Variants in CORO7 observed in about 807,000 individuals in gnomAD.
The protein encoded by CORO7 is coronin 7.
Under a neutral mutation model 126.6 loss-of-function variants are expected in CORO7, and 107 were observed. That is an observed-to-expected ratio of 0.85 (90% CI 0.72 to 0.99). The LOEUF is 0.99. Ranked by LOEUF, CORO7 falls within the 50% of genes least tolerant of loss-of-function variation. The pLI, the probability that CORO7 is intolerant of heterozygous loss-of-function variation, is 0.00. For missense variants in CORO7, 1,314 were observed against 1,255.8 expected (o/e 1.05, Z -0.70); for synonymous variants, 603 against 536.8 (o/e 1.12, Z -1.70).
chr16:4,400,897 A>C (rs1252925297), intron 6 of CORO7, among the ~76,000 whole-genome samples: 1 of 152,058 alleles, frequency 6.6e-6, no homozygotes, highest in African/African-American at 2.4e-5. Flanking sequence ...CATCACAGAC[A>C]CTGGGGGAGG....
intron 23 of CORO7, 120 bp downstream of exon 23, chr16:4,359,176 C>G (rs2054076780): frequency 8.7e-7 from 1 of 1,149,950 alleles, no homozygotes; most frequent in African/African-American, 1.6e-5. Flanking sequence ...AGCCCCAGGC[C>G]CAGCCCCAGC....
At chr16:4,410,084 G>C (rs747148269) in intron 3 of CORO7, among the ~76,000 whole-genome samples, 1 of 152,144 alleles carries the variant, frequency 6.6e-6, no homozygotes, top group Non-Finnish European at 1.5e-5. Context: ...CACCTTGCAA[G>C]CATCACCAAC....
At chr16:4,391,090 C>T (rs2055370356) in intron 7 of CORO7, among the ~76,000 whole-genome samples, 1 of 152,190 alleles carries the variant, frequency 6.6e-6, no homozygotes, top group South Asian at 2.1e-4. Flanking sequence ...CCACCCCTTA[C>T]CCTGTAACTC....
chr16:4,396,767 G>A (rs565396617), intron 6 of CORO7, among the ~76,000 whole-genome samples: 2 of 152,212 alleles, frequency 1.3e-5, no homozygotes, highest in African/African-American at 4.8e-5. Flanking sequence ...TGTAATCCCA[G>A]CACTTTGCGA....
At chr16:4,372,268 C>T (rs1456243980) in intron 9 of CORO7, among the ~76,000 whole-genome samples, 1 of 152,196 alleles carries the variant, frequency 6.6e-6, no homozygotes, top group Non-Finnish European at 1.5e-5. Context: ...ATAAACACCC[C>T]GTCCCATGCT....
In CORO7 at chr16:4,361,205, C is replaced by T. The variant is rs199527019; in HGVS notation, c.1731G>A (p.Glu577=). 1.9e-6 allele frequency: 3 copies of T among 1,611,856 alleles called. No homozygotes were observed. The highest frequency in any genetic ancestry group is 2.7e-5 in the African/African-American group (2 of 74,924). ...GCGTGGTGAGCACCTCTTCCAGGCC[C>T]TCTGCGGGTACCCGCCACAGTCGGA... is the stretch of plus-strand genomic sequence containing the variant. ...ARIRLWRVPA[E]GLEEVLTTPE... The change falls in exon 18 of 28, where the codon GAG becomes GAA. Residue 577 remains glutamate, a synonymous_variant. Transcript: ENST00000251166.
chr16:4,411,771 C>T (rs920437518), intron 3 of CORO7, among the ~76,000 whole-genome samples: 22 of 152,144 alleles, frequency 1.4e-4, no homozygotes, highest in African/African-American at 5.1e-4. Flanking sequence ...AGACTGGGCC[C>T]GCGGCCGCTG....
chr16:4,364,628 G>A lies in CORO7; in HGVS notation c.1106C>T (p.Pro369Leu), dbSNP rs1405428893. Residue 369 changes from proline (P) to leucine (L), a missense_variant, in exon 13 of 28, where the codon CCC becomes CTC. Coordinates refer to ENST00000251166, the MANE Select transcript of CORO7 (RefSeq NM_024535.5). ...DTAGCVPATD[P>L]HSWWAGDNQQ... ...GTTGTCCCCAGCCCACCAGCTATGG[G>A]GGTCGGTGGCAGGCACACAGCCGGC... is the stretch of plus-strand genomic sequence containing the variant. The A allele has an allele frequency of 6.4e-7, 1 of 1,572,186 alleles. No homozygotes were observed. Among genetic ancestry groups the A allele is most frequent in the Non-Finnish European group, 8.6e-7 (1 of 1,159,562 alleles).
At position 4,382,398 on chromosome 16, in the gene CORO7, G is replaced by A. The variant is rs886489305; in HGVS notation, c.785+5588C>T. On this transcript the variant is annotated intron_variant, in intron 9 of 27. Coordinates refer to ENST00000251166, the MANE Select transcript of CORO7 (RefSeq NM_024535.5). ...GCAACCTATCGGGCCCTGATAAGCG[G>A]CTGGTGACGCTGCGACTGCCTGCCT... is the stretch of plus-strand genomic sequence containing the variant. 3 of 1,611,914 alleles carry A rather than the reference G, an allele frequency of 1.9e-6. No individual in the cohort carries two copies. In the South Asian group the frequency reaches 3.3e-5, roughly 18 times the overall value.
chr16:4,383,272 A>T (rs1295072777), intron 9 of CORO7: 1 of 255,502 alleles, frequency 3.9e-6, no homozygotes, highest in Non-Finnish European at 7.9e-6. Context: ...TCCCGGAAAG[A>T]GCAGAGGGAG....
In CORO7 at chr16:4,357,343, TTTTC is replaced by T. The variant is rs869242347; in HGVS notation, c.2594-88_2594-85del. The T allele has an allele frequency of 4.5e-3, 5,460 of 1,225,642 alleles. 23 individuals are homozygous for T. The highest frequency in any genetic ancestry group is 0.011 in the South Asian group (661 of 58,308). 75.9% of individuals were successfully genotyped at this position (1,225,642 alleles called of 1,614,324 possible). ...AAGCCCTCGGGGATTTCTTTCTTTCTTTTCTTTCTTTCTTTTTTTTTTTTTTTTT... is the reference window on the plus strand; with the variant it reads ...AAGCCCTCGGGGATTTCTTTCTTTCTTTTCTTTCTTTTTTTTTTTTTTTTT... On this transcript the variant is annotated intron_variant, in intron 25 of 27. Transcript: ENST00000251166.
chr16:4,355,074 G>A lies in CORO7; in HGVS notation c.*84C>T, dbSNP rs1166288975. On this transcript the variant is annotated 3_prime_UTR_variant, in exon 28 of 28. Transcript: ENST00000251166. Reference sequence around the variant, plus strand: ...GGGTGACATGTGCCGGGGCCAGAGAGGTATCTTCCAGCTTGAGGATGAGCC... The same window carrying A: ...GGGTGACATGTGCCGGGGCCAGAGAAGTATCTTCCAGCTTGAGGATGAGCC... The A allele has an allele frequency of 4.3e-6, 6 of 1,396,848 alleles. No individual in the cohort carries two copies. In the East Asian group the frequency reaches 1.3e-4, roughly 30 times the overall value. The allele number at this position is 1,396,848 out of a possible 1,614,324, so 86.5% of individuals were successfully genotyped here. A position where few individuals can be genotyped will look rare whatever the true frequency, so the allele number is the denominator to read the frequency against.
chr16:4,416,394 G>A, intron 1 of CORO7, 65 bp downstream of exon 1: 1 of 1,481,848 alleles, frequency 6.7e-7, no homozygotes, highest in Non-Finnish European at 8.9e-7. Flanking sequence ...GTGGGGTCCG[G>A]GCAGGGGGAG....
At chr16:4,373,315 G>A (rs1364342110) in intron 9 of CORO7, among the ~76,000 whole-genome samples, 5 of 152,040 alleles carry the variant, frequency 3.3e-5, no homozygotes, top group Non-Finnish European at 4.4e-5. Context: ...GGGAGGATGC[G>A]CACACACATG....
At chr16:4,414,775 C>T (rs2056344944) in intron 1 of CORO7, among the ~76,000 whole-genome samples, 1 of 152,204 alleles carries the variant, frequency 6.6e-6, no homozygotes, top group Non-Finnish European at 1.5e-5. Flanking sequence ...AAGTATTCTC[C>T]AGACCCCTCC....
chr16:4,370,899 C>T (rs1004604934), intron 9 of CORO7, among the ~76,000 whole-genome samples: 13 of 152,236 alleles, frequency 8.5e-5, no homozygotes, highest in Non-Finnish European at 1.3e-4. Flanking sequence ...CAAGGCTCTC[C>T]GGAAGTCAGG....
At chr16:4,397,737 C>G (rs894930978) in intron 6 of CORO7, among the ~76,000 whole-genome samples, 3 of 152,044 alleles carry the variant, frequency 2.0e-5, no homozygotes, top group African/African-American at 7.2e-5. Context: ...CCTCAGCCTC[C>G]CGAGTAGCTG....
At chr16:4,381,237 C>T in intron 9 of CORO7, 1 of 1,612,024 alleles carries the variant, frequency 6.2e-7, no homozygotes, top group Non-Finnish European at 8.5e-7. Context: ...ATGAGACCTT[C>T]CGTGGCCTGC....
chr16:4,396,736 C>T (rs974651512), intron 6 of CORO7, among the ~76,000 whole-genome samples: 2 of 152,128 alleles, frequency 1.3e-5, no homozygotes, highest in African/African-American at 4.8e-5. Flanking sequence ...ACACCACCAG[C>T]CAGGCATGGT....
Sources: allele counts gnomAD v4.1 joint callset (sites outside exome capture counted in the v4.1 genomes callset), GRCh38; gene constraint gnomAD v4.1.1; transcripts MANE v1.5; gene names NCBI Gene and HGNC (gene_info 2026-07-23, HGNC 2026-07-21).